The following RIMS1 variants were observed in gnomAD, a reference collection of about 807,000 sequenced individuals.
The protein encoded by RIMS1 is regulating synaptic membrane exocytosis 1.
Under a neutral mutation model 214.1 loss-of-function variants are expected in RIMS1, and 83 were observed. The observed-to-expected ratio is 0.39, with a 90% confidence interval of 0.32 to 0.47. The LOEUF is 0.47. Among genes scored for constraint, RIMS1 ranks in the 20% least tolerant of loss-of-function variants. The pLI is 0.99. For synonymous variants in RIMS1, 793 were observed against 786.8 expected (o/e 1.01, Z -0.13); for missense variants, 2,050 against 2,161.8 (o/e 0.95, Z 1.03).
intron 19 of RIMS1, chr6:72,263,695 T>A: frequency 1.0e-6 from 1 of 985,210 alleles, no homozygotes; most frequent in Non-Finnish European, 1.2e-6. Context: ...TTCAGTAAAA[T>A]TTGTCCTCAA....
chr6:72,361,096 CTTTTTTT>C lies in RIMS1; in HGVS notation c.4366+27285_4366+27291del, dbSNP rs70994124. Among the ~76,000 whole-genome samples, 8 of 54,432 alleles carry C rather than the reference CTTTTTTT, an allele frequency of 1.5e-4. No homozygotes were observed. In the East Asian group the frequency reaches 3.9e-3, roughly 26 times the overall value. 35.7% of individuals were successfully genotyped at this position (54,432 alleles called of 152,430 possible). ...CTTCTGTAGGAACGGGTCTTTCTTTCTTTTTTTTTTTTTTTTTTTTTTTTTTTTTTGA... is the reference window on the plus strand; with the variant it reads ...CTTCTGTAGGAACGGGTCTTTCTTTCTTTTTTTTTTTTTTTTTTTTTTTGA... On this transcript the variant is annotated intron_variant, in intron 29 of 33. Transcript: ENST00000521978.
At chr6:72,101,918 T>A (rs540774667) in intron 4 of RIMS1, among the ~76,000 whole-genome samples, 3 of 152,128 alleles carry the variant, frequency 2.0e-5, no homozygotes, top group African/African-American at 7.2e-5. Context: ...AAAGAATGAC[T>A]TTGTAATGGG....
At chr6:72,252,698 T>C in intron 15 of RIMS1, 63 bp from the exon 16 acceptor site, 1 of 1,372,124 alleles carries the variant, frequency 7.3e-7, no homozygotes, top group Middle Eastern at 1.8e-4. Context: ...AGTTTGACAG[T>C]GCTCTTTACG....
At chr6:72,247,003 TG>T (rs1000151705) in intron 11 of RIMS1, among the ~76,000 whole-genome samples, 1 of 152,156 alleles carries the variant, frequency 6.6e-6, no homozygotes, top group African/African-American at 2.4e-5. Flanking sequence ...ATGTGCGGAT[TG>T]CACATACTCA....
At chr6:72,098,289 C>CTTTTT (rs58934201) in intron 3 of RIMS1, among the ~76,000 whole-genome samples, 9 of 143,390 alleles carry the variant, frequency 6.3e-5, no homozygotes, top group African/African-American at 1.0e-4. Context: ...ATCAATATAT[C>CTTTTT]TTTTTTTTTT....
At chr6:71,938,048 G>C (rs992462929) in intron 1 of RIMS1, among the ~76,000 whole-genome samples, 5 of 152,178 alleles carry the variant, frequency 3.3e-5, no homozygotes, top group African/African-American at 1.2e-4. Flanking sequence ...ACAATGGTGA[G>C]ACAGCCACAG....
intron 6 of RIMS1, among the ~76,000 whole-genome samples, chr6:72,218,978 T>C (rs557986614): frequency 6.6e-6 from 1 of 152,198 alleles, no homozygotes; most frequent in Non-Finnish European, 1.5e-5. Flanking sequence ...TCAAGGAGAA[T>C]AGATATTTTC....
intron 29 of RIMS1, among the ~76,000 whole-genome samples, chr6:72,343,126 T>C (rs950824469): frequency 6.6e-6 from 1 of 151,882 alleles, no homozygotes; most frequent in Non-Finnish European, 1.5e-5. Context: ...AGGCCTCCCT[T>C]GCAGGTATCT....
chr6:71,953,228 A>G (rs541098663), intron 1 of RIMS1, among the ~76,000 whole-genome samples: 1 of 152,176 alleles, frequency 6.6e-6, no homozygotes, highest in East Asian at 1.9e-4. Context: ...ACCTCAAGCC[A>G]TCCACCCGCG....
At chr6:72,249,861 C>T (rs938590771) in intron 12 of RIMS1, among the ~76,000 whole-genome samples, 1 of 152,068 alleles carries the variant, frequency 6.6e-6, no homozygotes, top group Non-Finnish European at 1.5e-5. Context: ...TTTATGATCT[C>T]TTCTAATTCT....
At chr6:72,148,850 G>A (rs2153897226) in intron 4 of RIMS1, among the ~76,000 whole-genome samples, 1 of 152,180 alleles carries the variant, frequency 6.6e-6, no homozygotes, top group African/African-American at 2.4e-5. Context: ...GACTGGTGGG[G>A]GTAGTTGGGG....
chr6:72,043,335 T>C (rs1355234557), intron 2 of RIMS1, among the ~76,000 whole-genome samples: 1 of 151,916 alleles, frequency 6.6e-6, no homozygotes, highest in Non-Finnish European at 1.5e-5. Context: ...CATTTTTATC[T>C]TTCTACTTTA....
chr6:72,165,930 C>T (rs1362476902), intron 4 of RIMS1, among the ~76,000 whole-genome samples: 1 of 152,150 alleles, frequency 6.6e-6, no homozygotes, highest in Non-Finnish European at 1.5e-5. Flanking sequence ...CTGAGTTTTT[C>T]AGTCATTAAA....
At chr6:72,208,688 G>A (rs1316204185) in intron 6 of RIMS1, among the ~76,000 whole-genome samples, 5 of 152,154 alleles carry the variant, frequency 3.3e-5, no homozygotes, top group African/African-American at 7.2e-5. Flanking sequence ...AAAAATTGGA[G>A]GAGAGACATT....
intron 29 of RIMS1, among the ~76,000 whole-genome samples, chr6:72,352,233 C>T (rs904799597): frequency 6.6e-6 from 1 of 152,162 alleles, no homozygotes; most frequent in Non-Finnish European, 1.5e-5. Context: ...TTAGCTAATT[C>T]ACTCATCCAC....
At chr6:72,122,124 G>T (rs1198139764) in intron 4 of RIMS1, among the ~76,000 whole-genome samples, 2 of 150,708 alleles carry the variant, frequency 1.3e-5, no homozygotes, top group African/African-American at 2.4e-5. Context: ...TCTTTTTTTT[G>T]TTGTGTCTCT....
chr6:72,202,774 G>A (rs1024324265), intron 6 of RIMS1, among the ~76,000 whole-genome samples: 1 of 152,172 alleles, frequency 6.6e-6, no homozygotes, highest in African/African-American at 2.4e-5. Flanking sequence ...CCCAGATCAT[G>A]AGGACATAAA....
At chr6:72,113,099 C>T (rs1194849476) in intron 4 of RIMS1, among the ~76,000 whole-genome samples, 3 of 152,098 alleles carry the variant, frequency 2.0e-5, no homozygotes, top group Non-Finnish European at 4.4e-5. Context: ...ATGAAATTTG[C>T]AGCCACAGGG....
At chr6:72,140,752 A>T (rs1356154191) in intron 4 of RIMS1, among the ~76,000 whole-genome samples, 1 of 152,094 alleles carries the variant, frequency 6.6e-6, no homozygotes, top group African/African-American at 2.4e-5. Context: ...ATTATCAAGG[A>T]TTACAGACCA....
Sources: allele counts gnomAD v4.1 joint callset (sites outside exome capture counted in the v4.1 genomes callset), GRCh38; gene constraint gnomAD v4.1.1; transcripts MANE v1.5; gene names NCBI Gene and HGNC (gene_info 2026-07-23, HGNC 2026-07-21).